Variants in PECAM1 observed in about 807,000 individuals in gnomAD.
PECAM1 encodes the protein platelet endothelial cell adhesion molecule.
Under a neutral mutation model 13.8 loss-of-function variants are expected in PECAM1, and 8 were observed. That is an observed-to-expected ratio of 0.58 (90% CI 0.34 to 1.05). The LOEUF (loss-of-function observed/expected upper bound fraction) is 1.05. Ranked by LOEUF, PECAM1 falls within the 50% of genes least tolerant of loss-of-function variation. The probability of loss-of-function intolerance (pLI) is 0.03; values close to 1 mark genes in which losing one functional copy is unlikely to be tolerated. For synonymous variants in PECAM1, 136 were observed against 52.6 expected (o/e 2.58, Z -6.86); for missense variants, 304 against 141.2 (o/e 2.15, Z -5.84).
At chr17:64,361,095 A>G (rs1396558821) in intron 6 of PECAM1, among the ~76,000 whole-genome samples, 5 of 146,274 alleles carry the variant, frequency 3.4e-5, no homozygotes, top group South Asian at 4.4e-4. Context: ...TGCTGGGATT[A>G]TAAGTATGAG....
At chr17:64,336,623 C>T (rs1242845390) in intron 14 of PECAM1, among the ~76,000 whole-genome samples, 3 of 151,990 alleles carry the variant, frequency 2.0e-5, no homozygotes, top group African/African-American at 4.8e-5. Flanking sequence ...AGGTGGCGCA[C>T]GCCTGAATCC....
chr17:64,321,336 G>T lies in PECAM1; in HGVS notation c.*2480C>A. The T allele has an allele frequency of 1.4e-6, 1 of 729,476 alleles. No individual in the cohort carries two copies. The highest frequency in any genetic ancestry group is 1.7e-6 in the Non-Finnish European group (1 of 596,182). 45.2% of individuals were successfully genotyped at this position (729,476 alleles called of 1,614,324 possible). ...ACACCGGGGTTACGGCAGCTGCCGA[G>T]GAAGGCTAAAGCCAGCGTCCTGGAT... On this transcript the variant is annotated 3_prime_UTR_variant, in exon 16 of 16. Transcript: ENST00000563924.
rs992834337 is a variant in PECAM1 at position 64,338,820 on chromosome 17, A to G, written c.2164+2814T>C. 9.5e-4 allele frequency among the ~76,000 whole-genome samples: 144 copies of G among 152,190 alleles called. 1 individual carries two copies. The South Asian group carries it at 0.027, about 29-fold the overall frequency. On this transcript the variant is annotated intron_variant, in intron 14 of 15. Transcript: ENST00000563924. ...GTGATCCACCCGCCTCGGCCTCCCA[A>G]AGTGCTGGGATTACAGGCGTGAGCC... is the stretch of plus-strand genomic sequence containing the variant.
At chr17:64,334,786 C>T (rs1161050984) in intron 14 of PECAM1, among the ~76,000 whole-genome samples, 4 of 152,078 alleles carry the variant, frequency 2.6e-5, no homozygotes, top group Admixed American at 6.6e-5. Flanking sequence ...GGATTACAGG[C>T]GTGAGCCACT....
chr17:64,343,191 G>A (rs992567105), intron 13 of PECAM1, among the ~76,000 whole-genome samples: 6 of 151,990 alleles, frequency 3.9e-5, no homozygotes, highest in Admixed American at 3.3e-4. Flanking sequence ...GAATGGCTGG[G>A]GTGTGACCCT....
At chr17:64,349,128 C>G (rs2035652785) in intron 12 of PECAM1, among the ~76,000 whole-genome samples, 1 of 152,192 alleles carries the variant, frequency 6.6e-6, no homozygotes. Context: ...CCTAAAAATA[C>G]TTGGAGAGTG....
intron 10 of PECAM1, 136 bp downstream of exon 10, chr17:64,353,355 A>G (rs2035776630): frequency 2.5e-6 from 1 of 398,482 alleles, no homozygotes; most frequent in Non-Finnish European, 4.5e-6. Flanking sequence ...CACACACACA[A>G]CTCACACCCA....
chr17:64,371,876 A>G (rs2036249078), intron 4 of PECAM1, among the ~76,000 whole-genome samples: 1 of 152,176 alleles, frequency 6.6e-6, no homozygotes, highest in Non-Finnish European at 1.5e-5. Context: ...AAATCCAACC[A>G]GGAACAATAA....
At chr17:64,382,347 G>A (rs2036499756) in intron 2 of PECAM1, among the ~76,000 whole-genome samples, 1 of 152,136 alleles carries the variant, frequency 6.6e-6, no homozygotes, top group Non-Finnish European at 1.5e-5. Flanking sequence ...TACTAACAAA[G>A]CTGTGTGACC....
At chr17:64,353,402 A>C (rs2035777491) in intron 10 of PECAM1, 89 bp downstream of exon 10, 7 of 420,076 alleles carry the variant, frequency 1.7e-5, no homozygotes, top group Non-Finnish European at 2.2e-5. Flanking sequence ...GCCAAGAGCC[A>C]CTGAAAACTT....
intron 14 of PECAM1, among the ~76,000 whole-genome samples, chr17:64,336,437 C>T (rs896814281): frequency 6.6e-6 from 1 of 152,038 alleles, no homozygotes; most frequent in South Asian, 2.1e-4. Context: ...TCTAACTCCC[C>T]CCAGGCAGAG....
intron 15 of PECAM1, among the ~76,000 whole-genome samples, chr17:64,325,061 A>G (rs989666544): frequency 6.6e-6 from 1 of 152,274 alleles, no homozygotes; most frequent in Non-Finnish European, 1.5e-5. Context: ...ACTGAATTAT[A>G]CACTTTAAAA....
chr17:64,384,393 C>T (rs1016476530), intron 2 of PECAM1, among the ~76,000 whole-genome samples: 1 of 152,074 alleles, frequency 6.6e-6, no homozygotes, highest in African/African-American at 2.4e-5. Context: ...TTCAAGATGC[C>T]CCCCCCAATG....
chr17:64,324,964 T>C (rs1555645288), intron 15 of PECAM1, among the ~76,000 whole-genome samples: 2 of 152,256 alleles, frequency 1.3e-5, no homozygotes, highest in African/African-American at 4.8e-5. Flanking sequence ...TTTACTTCTC[T>C]AATAAACTTG....
intron 14 of PECAM1, among the ~76,000 whole-genome samples, chr17:64,339,828 T>C (rs1190235614): frequency 6.6e-6 from 1 of 152,048 alleles, no homozygotes; most frequent in East Asian, 1.9e-4. Flanking sequence ...AAAAGCAGGG[T>C]CCTCAGAGAA....
At chr17:64,350,344 G>A (rs1219884470) in intron 12 of PECAM1, 36 bp downstream of exon 12, 1 of 411,734 alleles carries the variant, frequency 2.4e-6, no homozygotes, top group African/African-American at 2.1e-5. Context: ...TAATGTAAAA[G>A]TTGGTTCTAA....
intron 14 of PECAM1, among the ~76,000 whole-genome samples, chr17:64,333,906 T>C (rs1207201981): frequency 1.6e-5 from 2 of 125,506 alleles, no homozygotes; most frequent in Non-Finnish European, 3.1e-5. Flanking sequence ...ATTGCGCCAC[T>C]GCACTCCAGC....
At chr17:64,329,884 G>A (rs999508455) in intron 14 of PECAM1, among the ~76,000 whole-genome samples, 162 bp from the exon 15 acceptor site, 1 of 152,190 alleles carries the variant, frequency 6.6e-6, no homozygotes, top group African/African-American at 2.4e-5. Flanking sequence ...GCTCCTTTGT[G>A]CAAGACAGCT....
At chr17:64,351,978 A>T (rs8069023) in intron 11 of PECAM1, among the ~76,000 whole-genome samples, 138,183 of 152,234 alleles carry the variant, frequency 0.91, 63,658 homozygotes, top group East Asian at 1. Flanking sequence ...TTGAAATTGC[A>T]TTCCCTTTGT....
Sources: allele counts gnomAD v4.1 joint callset (sites outside exome capture counted in the v4.1 genomes callset), GRCh38; gene constraint gnomAD v4.1.1; transcripts MANE v1.5; gene names NCBI Gene and HGNC (gene_info 2026-07-23, HGNC 2026-07-21).